ANKRD11: variants seen among roughly 807,000 people sequenced by gnomAD.
ANKRD11 encodes the protein ankyrin repeat domain-containing protein 11.
A neutral mutation model predicts 195.7 loss-of-function variants in ANKRD11; 17 were observed. The observed-to-expected ratio is 0.09, with a 90% CI of 0.06 to 0.13. ANKRD11 has a LOEUF of 0.13. Ranked by LOEUF, ANKRD11 falls within the 10% of genes least tolerant of loss-of-function variation. ANKRD11 has a pLI of 1.00. For missense variants in ANKRD11, 3,735 were observed against 3,566.1 expected (o/e 1.05, Z -1.21); for synonymous variants, 1,953 against 1,528.1 (o/e 1.28, Z -6.49).
At chr16:89,304,056 C>T (rs935402131) in intron 4 of ANKRD11, among the ~76,000 whole-genome samples, 1 of 152,202 alleles carries the variant, frequency 6.6e-6, no homozygotes, top group Non-Finnish European at 1.5e-5. Context: ...TCTACTGCCT[C>T]CAACCTTCCC....
chr16:89,447,641 C>T (rs923014080), intron 1 of ANKRD11, among the ~76,000 whole-genome samples: 2 of 152,182 alleles, frequency 1.3e-5, no homozygotes, highest in African/African-American at 4.8e-5. Flanking sequence ...TCCTCCTACA[C>T]AGCCACCTTT....
intron 1 of ANKRD11, among the ~76,000 whole-genome samples, chr16:89,479,813 G>T (rs990064122): frequency 5.9e-5 from 9 of 151,434 alleles, no homozygotes; most frequent in African/African-American, 1.7e-4. Context: ...GGTGGTGGCA[G>T]GTGCCTGTAG....
At chr16:89,332,786 A>T (rs1321914503) in intron 2 of ANKRD11, among the ~76,000 whole-genome samples, 2 of 152,156 alleles carry the variant, frequency 1.3e-5, no homozygotes, top group African/African-American at 4.8e-5. Context: ...CACACCTCCA[A>T]GGAGGTTATC....
chr16:89,390,763 A>G (rs771502972), intron 2 of ANKRD11, among the ~76,000 whole-genome samples: 13 of 152,160 alleles, frequency 8.5e-5, no homozygotes, highest in Non-Finnish European at 1.8e-4. Flanking sequence ...TTCAAAAACA[A>G]TGCTGCTGGT....
chr16:89,412,917 A>G (rs1025839382), intron 2 of ANKRD11, among the ~76,000 whole-genome samples: 2 of 152,204 alleles, frequency 1.3e-5, no homozygotes, highest in Admixed American at 1.3e-4. Flanking sequence ...GTCACAGGTC[A>G]GCAGAGGTCC....
intron 2 of ANKRD11, among the ~76,000 whole-genome samples, chr16:89,355,622 G>A (rs377122055): frequency 5.3e-5 from 8 of 152,206 alleles, no homozygotes; most frequent in African/African-American, 1.9e-4. Flanking sequence ...TCACAGTATC[G>A]CCAGGATCAA....
intron 2 of ANKRD11, among the ~76,000 whole-genome samples, chr16:89,366,436 C>T (rs1241780438): frequency 6.6e-6 from 1 of 152,190 alleles, no homozygotes; most frequent in Non-Finnish European, 1.5e-5. Context: ...CTAATTTACA[C>T]TCCTGCCAAC....
At chr16:89,349,161 A>G (rs996047909) in intron 2 of ANKRD11, among the ~76,000 whole-genome samples, 4 of 146,412 alleles carry the variant, frequency 2.7e-5, no homozygotes, top group Non-Finnish European at 6.0e-5. Context: ...AAAAAAAAAA[A>G]GAATAATAAT....
intron 2 of ANKRD11, among the ~76,000 whole-genome samples, chr16:89,346,879 G>A (rs1167987373): frequency 3.3e-5 from 5 of 152,312 alleles, no homozygotes; most frequent in East Asian, 3.9e-4. Flanking sequence ...ACATGTAACA[G>A]AGACTAAACA....
rs1344048794 is a variant in ANKRD11 at position 89,282,840 on chromosome 16, A to G, written c.3702T>C (p.Asn1234=). 2 of 1,609,668 alleles carry G rather than the reference A, an allele frequency of 1.2e-6. No homozygotes were observed. Among genetic ancestry groups the G allele is most frequent in the Non-Finnish European group, 1.7e-6 (2 of 1,179,364 alleles). Residue 1234 remains asparagine, a synonymous_variant, in exon 9 of 13, where the codon AAT becomes AAC. Transcript: ENST00000301030. ...CAGCCTTCTCGGGGAGCTTCTGTTT[A>G]TTTTTCTTATCTTGCGTGGAGTCCA... is the stretch of plus-strand genomic sequence containing the variant. The part of the protein sequence containing the change: ...ASVDSTQDKK[N]KQKLPEKAEK...
intron 4 of ANKRD11, among the ~76,000 whole-genome samples, chr16:89,303,965 T>G (rs1157554704): frequency 6.6e-6 from 1 of 152,118 alleles, no homozygotes; most frequent in Admixed American, 6.5e-5. Flanking sequence ...ATTCAAGAAG[T>G]CTCAGGAAGC....
chr16:89,469,827 A>AG (rs150596409), intron 1 of ANKRD11, among the ~76,000 whole-genome samples: 150,269 of 150,276 alleles, frequency 1, 75,131 homozygotes, highest in Middle Eastern at 1. Flanking sequence ...TGAACCCGGG[A>AG]GCGGCAGTTG....
chr16:89,315,171 G>A (rs894963344), intron 3 of ANKRD11, among the ~76,000 whole-genome samples: 1 of 152,198 alleles, frequency 6.6e-6, no homozygotes, highest in Admixed American at 6.5e-5. Context: ...CATGGAGCAT[G>A]CTGAAGCCGA....
intron 1 of ANKRD11, among the ~76,000 whole-genome samples, chr16:89,448,516 T>C (rs1440315330): frequency 6.6e-6 from 1 of 152,228 alleles, no homozygotes; most frequent in Non-Finnish European, 1.5e-5. Context: ...TTCTTTTTTC[T>C]TAAATTAGCC....
At chr16:89,441,008 C>A (rs558962314) in intron 1 of ANKRD11, among the ~76,000 whole-genome samples, 1 of 152,072 alleles carries the variant, frequency 6.6e-6, no homozygotes, top group Non-Finnish European at 1.5e-5. Flanking sequence ...GAGGCCGAGG[C>A]GGGCAGATCA....
chr16:89,356,357 G>C (rs1013354654), intron 2 of ANKRD11, among the ~76,000 whole-genome samples: 8 of 151,930 alleles, frequency 5.3e-5, no homozygotes, highest in African/African-American at 1.9e-4. Flanking sequence ...AGAAGGATGT[G>C]ATCCATCAGC....
Position 89,285,284 on chromosome 16 carries a change from C to A in ANKRD11, c.1258G>T (p.Val420Leu), listed in dbSNP as rs147180412. 2 of 1,613,810 alleles carry A rather than the reference C, an allele frequency of 1.2e-6. No homozygotes were observed. The highest frequency in any genetic ancestry group is 1.7e-5 in the Admixed American group (1 of 60,004). The change falls in exon 9 of 13, where the codon GTG becomes TTG. Residue 420 changes from valine to leucine, a missense_variant. Physicochemically the swap from Val to Leu is conservative, Grantham distance 32. Coordinates refer to ENST00000301030, the MANE Select transcript of ANKRD11 (RefSeq NM_013275.6). This position sits in a 1 kb window ranked among gnomAD's most constrained non-coding sequence, Gnocchi z 5.6. ...TSDEEDASVTVGTGEKLRLSA... is the reference protein window; with the variant it reads ...TSDEEDASVTLGTGEKLRLSA... ...AGTCTCAGCTTCTCTCCTGTCCCCA[C>A]GGTGACACTCGCGTCCTCCTCGTCC...
intron 2 of ANKRD11, among the ~76,000 whole-genome samples, chr16:89,362,922 C>T (rs2039793423): frequency 6.6e-6 from 1 of 151,948 alleles, no homozygotes; most frequent in Admixed American, 6.6e-5. Context: ...TGTGAGGTCC[C>T]GTTCCAGCCA....
At chr16:89,372,869 T>C (rs1293762495) in intron 2 of ANKRD11, 1 of 152,198 alleles carries the variant, frequency 6.6e-6, no homozygotes, top group Non-Finnish European at 1.5e-5. Context: ...CACCCGTTCA[T>C]CAGTGGTCCC....
Sources: allele counts gnomAD v4.1 joint callset (sites outside exome capture counted in the v4.1 genomes callset), GRCh38; gene constraint gnomAD v4.1.1; non-coding constraint Gnocchi (gnomAD v3.1); transcripts MANE v1.5; gene names NCBI Gene and HGNC (gene_info 2026-07-23, HGNC 2026-07-21).